The following C8orf34 variants were observed in gnomAD, a reference collection of about 807,000 sequenced individuals.
C8orf34 encodes chromosome 8 open reading frame 34, also known as uncharacterized protein C8orf34.
Under a neutral mutation model 68.3 loss-of-function variants are expected in C8orf34, and 65 were observed. The observed-to-expected ratio is 0.95, with a 90% CI of 0.78 to 1.17. The LOEUF is 1.17. Among genes scored for constraint, C8orf34 ranks in the 50% most tolerant of loss-of-function variants. The pLI, the probability that C8orf34 is intolerant of heterozygous loss-of-function variation, is 0.00. For synonymous variants in C8orf34, 244 were observed against 241.2 expected, an observed-to-expected ratio of 1.01 and a Z score of -0.11; for missense variants, 664 against 655.4, an observed-to-expected ratio of 1.01 and a Z score of -0.14.
intron 3 of C8orf34, among the ~76,000 whole-genome samples, chr8:68,455,126 A>G (rs1308820216): frequency 1.3e-5 from 2 of 152,046 alleles, no homozygotes; most frequent in African/African-American, 4.8e-5. Flanking sequence ...GTATGATTTC[A>G]ATCCTTTAAA....
chr8:68,419,283 A>G (rs1475469020), intron 1 of C8orf34, among the ~76,000 whole-genome samples: 1 of 148,064 alleles, frequency 6.8e-6, no homozygotes, highest in African/African-American at 2.5e-5. Flanking sequence ...ATGAGATACC[A>G]TCTCACACCA....
intron 12 of C8orf34, among the ~76,000 whole-genome samples, chr8:68,813,804 A>G (rs1196479524): frequency 6.6e-6 from 1 of 152,068 alleles, no homozygotes; most frequent in Non-Finnish European, 1.5e-5. Flanking sequence ...CATCGGGCTC[A>G]CTGTTTTCCT....
In C8orf34 at chr8:68,560,977, A is replaced by AT. The variant is rs1197188539; in HGVS notation, c.1105+27844dup. 7.6e-3 allele frequency among the ~76,000 whole-genome samples: 1,063 copies of AT among 139,866 alleles called. 7 individuals are homozygous for AT. Among genetic ancestry groups the AT allele is most frequent in the African/African-American group, 0.015 (576 of 38,094 alleles). 91.8% of individuals were successfully genotyped at this position (139,866 alleles called of 152,430 possible). A position where few individuals can be genotyped will look rare whatever the true frequency, so the allele number is the denominator to read the frequency against. The stretch of plus-strand genomic sequence containing the variant: ...TTTAACTTCATACACTTTTAATTTA[A>AT]TTTTTTTTTTTTTTTTGAGACAGGG... On this transcript the variant is annotated intron_variant, in intron 7 of 13. Transcript: ENST00000518698.
chr8:68,709,139 G>T, intron 9 of C8orf34, 60 bp downstream of exon 9: 1 of 1,334,804 alleles, frequency 7.5e-7, no homozygotes, highest in Non-Finnish European at 1.1e-6. Context: ...GATTAAAGAA[G>T]TAAAGGAAAA....
intron 8 of C8orf34, among the ~76,000 whole-genome samples, chr8:68,689,849 G>C (rs896535568): frequency 6.6e-6 from 1 of 151,946 alleles, no homozygotes; most frequent in Admixed American, 6.6e-5. Context: ...TTGCAAATGA[G>C]AAGTGAGGTT....
rs148981347 is a variant in C8orf34, at chr8:68,783,880, T to G, written c.1456-3563T>G. On this transcript the variant is annotated intron_variant, in intron 11 of 13. Coordinates refer to ENST00000518698, the MANE Select transcript of C8orf34 (RefSeq NM_052958.4). Reference sequence around the variant, plus strand: ...ATCTCAGATATTTGGGGTTCACACTTTCAATATTAAAAATAAACTTTTTTA... The same window carrying G: ...ATCTCAGATATTTGGGGTTCACACTGTCAATATTAAAAATAAACTTTTTTA... 1.7e-3 allele frequency among the ~76,000 whole-genome samples: 260 copies of G among 152,282 alleles called. 1 individual carries two copies. The highest frequency in any genetic ancestry group is 6.1e-3 in the African/African-American group (253 of 41,550).
chr8:68,444,906 T>A (rs951639884), intron 2 of C8orf34, among the ~76,000 whole-genome samples: 5 of 152,190 alleles, frequency 3.3e-5, no homozygotes, highest in Non-Finnish European at 5.9e-5. Flanking sequence ...ATTACCTATG[T>A]TGCATTAGAA....
chr8:68,460,909 G>GT (rs1811788099), intron 3 of C8orf34, among the ~76,000 whole-genome samples: 1 of 152,230 alleles, frequency 6.6e-6, no homozygotes, highest in South Asian at 2.1e-4. Context: ...AAGGAACGCA[G>GT]TTCCTCACCA....
intron 8 of C8orf34, among the ~76,000 whole-genome samples, chr8:68,680,360 T>G (rs960299536): frequency 6.6e-5 from 10 of 152,296 alleles, no homozygotes; most frequent in African/African-American, 2.4e-4. Flanking sequence ...AATATTTCAA[T>G]GTAGGTTCTT....
At chr8:68,602,164 G>A (rs149687955) in intron 7 of C8orf34, among the ~76,000 whole-genome samples, 28 of 152,188 alleles carry the variant, frequency 1.8e-4, no homozygotes, top group African/African-American at 6.7e-4. Context: ...TGCTAACACC[G>A]GGAGAGGGAA....
chr8:68,591,457 A>T (rs146342647), intron 7 of C8orf34, among the ~76,000 whole-genome samples: 2 of 152,304 alleles, frequency 1.3e-5, no homozygotes, highest in African/African-American at 2.4e-5. Flanking sequence ...CTTCGTAGTG[A>T]GACAAAGAAG....
At chr8:68,644,769 C>T (rs529101781) in intron 8 of C8orf34, among the ~76,000 whole-genome samples, 2 of 152,236 alleles carry the variant, frequency 1.3e-5, no homozygotes, top group South Asian at 2.1e-4. Context: ...CCAGGTAATC[C>T]CTCAGAATCC....
At chr8:68,659,985 C>A (rs1768943006) in intron 8 of C8orf34, among the ~76,000 whole-genome samples, 1 of 152,084 alleles carries the variant, frequency 6.6e-6, no homozygotes, top group Admixed American at 6.5e-5. Context: ...TTTTTTTATT[C>A]TTGTAGTTTA....
At chr8:68,424,273 A>G (rs1042233368) in intron 1 of C8orf34, among the ~76,000 whole-genome samples, 4 of 152,298 alleles carry the variant, frequency 2.6e-5, no homozygotes, top group Non-Finnish European at 4.4e-5. Context: ...CCAAGCTGTC[A>G]TTGAAACTAA....
At chr8:68,763,605 T>A (rs951406980) in intron 10 of C8orf34, among the ~76,000 whole-genome samples, 4 of 151,528 alleles carry the variant, frequency 2.6e-5, no homozygotes, top group African/African-American at 9.7e-5. Context: ...AAAATATGAC[T>A]TTTCCCCCAT....
chr8:68,473,671 A>G (rs796548305), intron 4 of C8orf34, among the ~76,000 whole-genome samples: 1 of 152,044 alleles, frequency 6.6e-6, no homozygotes, highest in South Asian at 2.1e-4. Context: ...TACCCTCACT[A>G]CCTGCCTAAA....
intron 1 of C8orf34, among the ~76,000 whole-genome samples, chr8:68,389,152 G>A (rs2129620532): frequency 6.6e-6 from 1 of 152,290 alleles, no homozygotes; most frequent in African/African-American, 2.4e-5. Flanking sequence ...GCTAGAAAAT[G>A]TAGATAGAAT....
intron 8 of C8orf34, among the ~76,000 whole-genome samples, chr8:68,654,506 G>A (rs1452931797): frequency 7.2e-5 from 11 of 151,920 alleles, no homozygotes; most frequent in African/African-American, 2.7e-4. Flanking sequence ...TGATTCATTT[G>A]TATCTAATTC....
intron 1 of C8orf34, among the ~76,000 whole-genome samples, chr8:68,418,318 C>CTA (rs1484411448): frequency 6.6e-6 from 1 of 150,662 alleles, no homozygotes; most frequent in East Asian, 1.9e-4. Flanking sequence ...CTGGCCAGAA[C>CTA]TTCCAACACT....
Sources: gnomAD v4.1 joint callset for allele counts (sites outside exome capture counted in the v4.1 genomes callset) on GRCh38, gnomAD v4.1.1 for gene constraint, MANE v1.5 for transcripts, NCBI Gene and HGNC (gene_info 2026-07-23, HGNC 2026-07-21) for gene names.